RORB: variants seen among roughly 807,000 people sequenced by gnomAD.
RORB encodes the protein RAR related orphan receptor B.
RORB carries 6 observed loss-of-function variants against 59.1 expected under a neutral mutation model. That is an observed-to-expected ratio of 0.10 (90% CI 0.06 to 0.20). The LOEUF is 0.20. RORB is among the 10% of genes least tolerant of loss of function. RORB has a pLI of 1.00. For synonymous variants in RORB, 215 were observed against 204.5 expected (o/e 1.05, Z -0.44); for missense variants, 320 against 560.5 (o/e 0.57, Z 4.33).
intron 1 of RORB, among the ~76,000 whole-genome samples, chr9:74,611,092 T>G (rs1194681084): frequency 6.6e-6 from 1 of 152,212 alleles, no homozygotes; most frequent in Non-Finnish European, 1.5e-5. Context: ...TAATGTCTTC[T>G]GATACTAGGG....
At chr9:74,521,150 T>C (rs768559688) in intron 1 of RORB, among the ~76,000 whole-genome samples, 2 of 151,950 alleles carry the variant, frequency 1.3e-5, no homozygotes, top group Non-Finnish European at 2.9e-5. Flanking sequence ...GTTTTTATTC[T>C]GGAAAGATAA....
chr9:74,563,118 G>A (rs4745343), intron 1 of RORB, among the ~76,000 whole-genome samples: 151,011 of 152,108 alleles, frequency 0.99, 74,971 homozygotes, highest in Middle Eastern at 1. Flanking sequence ...TTTAGCAACA[G>A]CTAAAAATCT....
At chr9:74,573,256 G>T (rs950194711) in intron 1 of RORB, among the ~76,000 whole-genome samples, 1 of 152,024 alleles carries the variant, frequency 6.6e-6, no homozygotes, top group African/African-American at 2.4e-5. Context: ...ATCTGTAGCT[G>T]TTTTGAGGGG....
rs1223162519 is a variant in RORB, at chr9:74,692,803, C to T, written c.*7185C>T. ...GGAAAAAGGCAAACCACAAATAAAC[C>T]CAGTGACATATATAGTTTTAAAATC... On this transcript the variant is annotated 3_prime_UTR_variant, in exon 10 of 10. Coordinates refer to ENST00000376896, the MANE Select transcript of RORB (RefSeq NM_006914.4). 6.6e-6 allele frequency: 1 copy of T among 151,994 alleles called. No homozygotes were observed. Among genetic ancestry groups the T allele is most frequent in the Non-Finnish European group, 1.5e-5 (1 of 67,998 alleles). The allele number at this position is 151,994 out of a possible 1,614,324, so 9.4% of individuals were successfully genotyped here.
intron 1 of RORB, among the ~76,000 whole-genome samples, chr9:74,620,125 T>G (rs1823387823): frequency 1.3e-5 from 2 of 152,208 alleles, no homozygotes; most frequent in Admixed American, 1.3e-4. Context: ...TGGTACCAGC[T>G]CCTTTTTGTA....
intron 1 of RORB, among the ~76,000 whole-genome samples, chr9:74,550,012 C>T (rs570884076): frequency 6.6e-6 from 1 of 152,140 alleles, no homozygotes; most frequent in African/African-American, 2.4e-5. Context: ...CAGGCATGAG[C>T]CCCTGCGCCC....
At chr9:74,673,747 T>C (rs1302268205) in intron 9 of RORB, among the ~76,000 whole-genome samples, 1 of 152,228 alleles carries the variant, frequency 6.6e-6, no homozygotes, top group Non-Finnish European at 1.5e-5. Context: ...TCTTTTCTTA[T>C]AGACAAGTAA....
rs1280485982 is a variant in RORB at position 74,688,581 on chromosome 9, C to T, written c.*2963C>T. On this transcript the variant is annotated 3_prime_UTR_variant, in exon 10 of 10. Coordinates refer to ENST00000376896, the MANE Select transcript of RORB (RefSeq NM_006914.4). ...GCACTGTATCCACTCAGGGATGTTT[C>T]CTTAAAAAAAAAAAATACATCAAGA... 1.5e-5 allele frequency: 2 copies of T among 137,356 alleles called. No individual in the cohort carries two copies. Among genetic ancestry groups the T allele is most frequent in the African/African-American group, 5.3e-5 (2 of 37,814 alleles). 8.5% of individuals were successfully genotyped at this position (137,356 alleles called of 1,614,324 possible).
intron 1 of RORB, among the ~76,000 whole-genome samples, chr9:74,532,308 A>G (rs1158200492): frequency 3.3e-5 from 5 of 151,838 alleles, no homozygotes; most frequent in Non-Finnish European, 7.4e-5. Flanking sequence ...ACTTTTTCTC[A>G]GTGATCAGTT....
chr9:74,624,846 A>G (rs1361345796), intron 1 of RORB, among the ~76,000 whole-genome samples: 3 of 152,228 alleles, frequency 2.0e-5, no homozygotes, highest in Non-Finnish European at 2.9e-5. Context: ...GGAAATTTCT[A>G]CATGTGTAAA....
chr9:74,504,950 T>C (rs1396028254), intron 1 of RORB, among the ~76,000 whole-genome samples: 11 of 152,074 alleles, frequency 7.2e-5, no homozygotes, highest in Admixed American at 7.2e-4. Flanking sequence ...CACCATTAAC[T>C]AAATTTCACT....
chr9:74,583,269 T>C (rs1822751785), intron 1 of RORB, among the ~76,000 whole-genome samples: 1 of 152,142 alleles, frequency 6.6e-6, no homozygotes, highest in Admixed American at 6.6e-5. Context: ...AACTGCCACG[T>C]ACCCAGGCAG....
intron 4 of RORB, among the ~76,000 whole-genome samples, chr9:74,653,304 T>G (rs898131970): frequency 6.6e-6 from 1 of 152,182 alleles, no homozygotes; most frequent in Non-Finnish European, 1.5e-5. Flanking sequence ...TAATTCACAG[T>G]GAATCTCCTA....
chr9:74,681,792 G>A (rs945716922), intron 9 of RORB, among the ~76,000 whole-genome samples: 1 of 152,138 alleles, frequency 6.6e-6, no homozygotes, highest in Non-Finnish European at 1.5e-5. Flanking sequence ...CACTAAAGGA[G>A]CAGAAAAAAA....
chr9:74,678,252 A>T (rs1824480263), intron 9 of RORB, among the ~76,000 whole-genome samples: 1 of 152,170 alleles, frequency 6.6e-6, no homozygotes, highest in African/African-American at 2.4e-5. Context: ...CTGAACTCTT[A>T]ATGTAAGGCA....
intron 1 of RORB, among the ~76,000 whole-genome samples, chr9:74,591,749 T>G (rs193276252): frequency 6.6e-6 from 1 of 152,222 alleles, no homozygotes; most frequent in South Asian, 2.1e-4. Flanking sequence ...CTAAATTGTT[T>G]ATATCACAGG....
chr9:74,553,867 C>A (rs567340421), intron 1 of RORB, among the ~76,000 whole-genome samples: 5 of 152,280 alleles, frequency 3.3e-5, no homozygotes, highest in South Asian at 2.1e-4. Flanking sequence ...AAACAATATG[C>A]AACCATCTAG....
intron 1 of RORB, among the ~76,000 whole-genome samples, chr9:74,503,622 G>A (rs1018509715): frequency 1.3e-5 from 2 of 152,060 alleles, no homozygotes; most frequent in African/African-American, 4.8e-5. Context: ...GATAATTAGA[G>A]GGAAAGGGAA....
At chr9:74,552,541 G>A (rs12342090) in intron 1 of RORB, among the ~76,000 whole-genome samples, 88,188 of 151,866 alleles carry the variant, frequency 0.58, 26,491 homozygotes, top group African/African-American at 0.72. Context: ...AAAATGGCTA[G>A]CATGTAATAT....
Sources: gnomAD v4.1 joint callset for allele counts (sites outside exome capture counted in the v4.1 genomes callset) on GRCh38, gnomAD v4.1.1 for gene constraint, MANE v1.5 for transcripts, NCBI Gene and HGNC (gene_info 2026-07-23, HGNC 2026-07-21) for gene names.